FOXO3B: variants seen among roughly 807,000 people sequenced by gnomAD.
FOXO3B encodes forkhead box protein O3B.
FOXO3B carries 15 observed loss-of-function variants against 21.9 expected under a neutral mutation model. The ratio of observed to expected loss-of-function variants is 0.68; its 90% CI spans 0.46 to 1.05. The LOEUF (loss-of-function observed/expected upper bound fraction) is 1.05. Ranked by LOEUF, FOXO3B falls within the 50% of genes least tolerant of loss-of-function variation. The pLI is 0.00. For synonymous variants in FOXO3B, 135 were observed against 213.6 expected, an observed-to-expected ratio of 0.63 and a Z score of 3.21; for missense variants, 293 against 435.5, an observed-to-expected ratio of 0.67 and a Z score of 2.91.
In FOXO3B at chr17:18,677,135, G is replaced by A. The variant is rs2032501476; in HGVS notation, c.126+3606C>T. Reference sequence around the variant, plus strand: ...TGTTGACAAGCATGTGGAACAACTAGAACGCACATATTCTGCTGCTGGGAA... The same window carrying A: ...TGTTGACAAGCATGTGGAACAACTAAAACGCACATATTCTGCTGCTGGGAA... On this transcript the variant is annotated intron_variant, in intron 3 of 3. Coordinates refer to ENST00000395675, the MANE Select transcript of FOXO3B (RefSeq NM_001368135.1). 1.5e-5 allele frequency: 12 copies of A among 778,376 alleles called. No homozygotes were observed. In the East Asian group the frequency reaches 3.0e-4, roughly 19 times the overall value. 48.2% of individuals were successfully genotyped at this position (778,376 alleles called of 1,614,324 possible).
rs2032313131 is a variant in FOXO3B at position 18,668,834 on chromosome 17, C to A, written c.*3475G>T. 6.6e-6 allele frequency: 1 copy of A among 152,086 alleles called. No homozygotes were observed. Among genetic ancestry groups the A allele is most frequent in the Non-Finnish European group, 1.5e-5 (1 of 68,018 alleles). 9.4% of individuals were successfully genotyped at this position (152,086 alleles called of 1,614,324 possible). A position where few individuals can be genotyped will look rare whatever the true frequency, so the allele number is the denominator to read the frequency against. On this transcript the variant is annotated 3_prime_UTR_variant, in exon 4 of 4. Coordinates refer to ENST00000395675, the MANE Select transcript of FOXO3B (RefSeq NM_001368135.1). ...TACTGGAAAGTTCTTGCATACAGCA[C>A]ATTACTAAAGAATCCAGGAAGTGGC...
chr17:18,671,608 G>A lies in FOXO3B; in HGVS notation c.*701C>T. 2.5e-6 allele frequency: 4 copies of A among 1,613,834 alleles called. No individual in the cohort carries two copies. In the South Asian group the frequency reaches 3.3e-5, roughly 13 times the overall value. On this transcript the variant is annotated 3_prime_UTR_variant, in exon 4 of 4. Coordinates refer to ENST00000395675, the MANE Select transcript of FOXO3B (RefSeq NM_001368135.1). Reference sequence around the variant, plus strand: ...ATGGGAGACTGGCGTAGGGAGTTCAGAGATGAAGGTCCAAACACCGTGCTG... The same window carrying A: ...ATGGGAGACTGGCGTAGGGAGTTCAAAGATGAAGGTCCAAACACCGTGCTG...
Position 18,672,085 on chromosome 17 carries a change from G to A in FOXO3B, c.*224C>T. ...GGAGAGCTGGGAGGGACTGTCGTCAGCTGATTCGGGGGCTGTCTGCAGGGC... is the reference window on the plus strand; with the variant it reads ...GGAGAGCTGGGAGGGACTGTCGTCAACTGATTCGGGGGCTGTCTGCAGGGC... On this transcript the variant is annotated 3_prime_UTR_variant, in exon 4 of 4. Coordinates refer to ENST00000395675, the MANE Select transcript of FOXO3B (RefSeq NM_001368135.1). The surrounding 1 kb of genome is among the most constrained non-coding windows in gnomAD (Gnocchi z 4.2). 6.2e-7 allele frequency: 1 copy of A among 1,610,100 alleles called. No individual in the cohort carries two copies.
Position 18,680,820 on chromosome 17 carries a change from G to A in FOXO3B, c.47C>T (p.Ser16Phe), listed in dbSNP as rs1484358472. ...CTCTTGGAAATGGGGAGAATCCTGGGAAGACAGAACTAACGACAAGAAAGC... is the reference window on the plus strand; with the variant it reads ...CTCTTGGAAATGGGGAGAATCCTGGAAAGACAGAACTAACGACAAGAAAGC... ...AEMPEKGVLS[S>F]QDSPHFQEKS... Residue 16 changes from serine (S) to phenylalanine (F), a missense_variant, in exon 3 of 4, where the codon TCC becomes TTC. Transcript: ENST00000395675. 6.2e-7 allele frequency: 1 copy of A among 1,603,098 alleles called. No individual in the cohort carries two copies. The highest frequency in any genetic ancestry group is 8.5e-7 in the Non-Finnish European group (1 of 1,172,912).
At chr17:18,681,957 T>A in intron 1 of FOXO3B, 111 bp from the exon 2 acceptor site, 1 of 626,666 alleles carries the variant, frequency 1.6e-6, no homozygotes, top group Non-Finnish European at 2.9e-6. Context: ...CGCTGGGGCA[T>A]CAGGAGTTTG....
Position 18,671,409 on chromosome 17 carries a change from C to T in FOXO3B, c.*900G>A, listed in dbSNP as rs961511336. The T allele has an allele frequency of 2.5e-5, 40 of 1,603,392 alleles. No homozygotes were observed. The highest frequency in any genetic ancestry group is 3.1e-5 in the Non-Finnish European group (36 of 1,171,330). On this transcript the variant is annotated 3_prime_UTR_variant, in exon 4 of 4. Transcript: ENST00000395675. ...ATCATTGCGAAGCATCACGTTCCGG[C>T]GGGAATTCTGGGCAGACACAGCGGT...
At chr17:18,679,842 T>C (rs1276732873) in intron 3 of FOXO3B, among the ~76,000 whole-genome samples, 26 of 143,226 alleles carry the variant, frequency 1.8e-4, no homozygotes. Flanking sequence ...AATTCAAAAA[T>C]TCTTTTTTTT....
intron 3 of FOXO3B, among the ~76,000 whole-genome samples, chr17:18,678,229 T>C (rs2032528157): frequency 6.6e-6 from 1 of 152,192 alleles, no homozygotes; most frequent in Non-Finnish European, 1.5e-5. Flanking sequence ...ATGTATTATA[T>C]GTGAATGAGC....
chr17:18,675,991 A>G (rs138774844), intron 3 of FOXO3B, among the ~76,000 whole-genome samples: 15,164 of 152,166 alleles, frequency 0.1, 1,027 homozygotes, highest in African/African-American at 0.19. Context: ...TAGAAGAACC[A>G]ATTTCTTCTC....
chr17:18,677,802 T>C (rs2032520283), intron 3 of FOXO3B: 3 of 1,313,776 alleles, frequency 2.3e-6, no homozygotes, highest in South Asian at 2.5e-5. Context: ...ACCTCTCCTG[T>C]CCCCTCCCTC....
Position 18,672,889 on chromosome 17 carries a change from G to C in FOXO3B, c.293C>G (p.Pro98Arg), listed in dbSNP as rs1350831583. ...CTCCGGGTCCAGCTCCACTTCGAGC[G>C]GAGAAAGCGGGGCCGGGGAAGCCGG... Reference protein sequence around the residue: ...EAPASPAPLSPLEVELDPEFE... With the variant: ...EAPASPAPLSRLEVELDPEFE... The change falls in exon 4 of 4, where the codon CCG becomes CGG. Residue 98 changes from proline to arginine, a missense_variant. By Grantham distance (103) the Pro-to-Arg change is moderately radical (BLOSUM62 -2). Coordinates refer to ENST00000395675, the MANE Select transcript of FOXO3B (RefSeq NM_001368135.1). This position sits in a 1 kb window ranked among gnomAD's most constrained non-coding sequence, Gnocchi z 4.2. 1.3e-6 allele frequency: 2 copies of C among 1,560,854 alleles called. No homozygotes were observed. The highest frequency in any genetic ancestry group is 1.2e-5 in the South Asian group (1 of 85,230).
chr17:18,672,585 G>A lies in FOXO3B; in HGVS notation c.597C>T (p.Thr199=), dbSNP rs1379717107. ...TACCCCCGCTCAGCCCGCCCGCCGC[G>A]GTGGCTGGCCCAGACCCGGGGTCTT... ...GGQDPGSGPA[T]AAGGLSGGTQ... The change falls in exon 4 of 4, where the codon ACC becomes ACT. Residue 199 remains threonine (T), a synonymous_variant. Transcript: ENST00000395675. The surrounding 1 kb of genome is among the most constrained non-coding windows in gnomAD (Gnocchi z 4.2). 5 of 1,434,344 alleles carry A rather than the reference G, an allele frequency of 3.5e-6. No individual in the cohort carries two copies. The highest frequency in any genetic ancestry group is 2.6e-5 in the East Asian group (1 of 38,502). 88.9% of individuals were successfully genotyped at this position (1,434,344 alleles called of 1,614,324 possible).
chr17:18,679,512 A>G (rs1275362030), intron 3 of FOXO3B, among the ~76,000 whole-genome samples: 2 of 147,060 alleles, frequency 1.4e-5, no homozygotes, highest in African/African-American at 2.6e-5. Context: ...CAGTAGCCCT[A>G]TCTGGGCTCA....
At chr17:18,678,463 T>C in intron 3 of FOXO3B, among the ~76,000 whole-genome samples, 1 of 152,050 alleles carries the variant, frequency 6.6e-6, no homozygotes, top group South Asian at 2.1e-4. Context: ...TAGCATTACC[T>C]TTACATTTCT....
intron 3 of FOXO3B, among the ~76,000 whole-genome samples, chr17:18,679,844 C>CT (rs113312454): frequency 0.013 from 1,927 of 144,918 alleles, 41 homozygotes; most frequent in African/African-American, 0.043. Context: ...TTCAAAAATT[C>CT]TTTTTTTTTT....
chr17:18,670,969 CA>C lies in FOXO3B; in HGVS notation c.*1339del, dbSNP rs1475163974. 1.1e-5 allele frequency: 15 copies of C among 1,344,020 alleles called. No individual in the cohort carries two copies. The highest frequency in any genetic ancestry group is 1.3e-5 in the Non-Finnish European group (13 of 971,302). The allele number at this position is 1,344,020 out of a possible 1,614,324, so 83.3% of individuals were successfully genotyped here. A position where few individuals can be genotyped will look rare whatever the true frequency, so the allele number is the denominator to read the frequency against. ...CCAGTGAAGTTCCCCACGTTCAAACCAACAACATTCTGTGTGGAGATGAGGG... is the reference window on the plus strand; with the variant it reads ...CCAGTGAAGTTCCCCACGTTCAAACCACAACATTCTGTGTGGAGATGAGGG... On this transcript the variant is annotated 3_prime_UTR_variant, in exon 4 of 4. Transcript: ENST00000395675.
chr17:18,673,485 G>T (rs924654878), intron 3 of FOXO3B, among the ~76,000 whole-genome samples: 2 of 152,132 alleles, frequency 1.3e-5, no homozygotes, highest in African/African-American at 4.8e-5. Flanking sequence ...ACTATTGGTA[G>T]ATATAACCTA....
Position 18,672,183 on chromosome 17 carries a change from C to A in FOXO3B, c.*126G>T. ...TATTGTCCATGGAGACAGCCCGCCG[C>A]CGGGGGGCTTTTCCGCTCTTCCCCC... On this transcript the variant is annotated 3_prime_UTR_variant, in exon 4 of 4. Transcript: ENST00000395675. This position sits in a 1 kb window ranked among gnomAD's most constrained non-coding sequence, Gnocchi z 4.2. The A allele has an allele frequency of 6.2e-7, 1 of 1,612,932 alleles. No individual in the cohort carries two copies. Among genetic ancestry groups the A allele is most frequent in the East Asian group, 2.2e-5 (1 of 44,842 alleles).
intron 2 of FOXO3B, chr17:18,681,209 G>C (rs2032578475): frequency 5.1e-6 from 2 of 395,392 alleles, no homozygotes; most frequent in Admixed American, 8.0e-5. Context: ...GTACAATCCA[G>C]AAATCTAACA....
Sources: allele counts gnomAD v4.1 joint callset (sites outside exome capture counted in the v4.1 genomes callset), GRCh38; gene constraint gnomAD v4.1.1; non-coding constraint Gnocchi (gnomAD v3.1); transcripts MANE v1.5; gene names NCBI Gene and HGNC (gene_info 2026-07-23, HGNC 2026-07-21).